Variants in PCDHGB3 observed in about 807,000 individuals in gnomAD.
PCDHGB3 encodes protocadherin gamma-B3.
In PCDHGB3, 40 loss-of-function variants were observed where a neutral mutation model predicts 59.2. The ratio of observed to expected loss-of-function variants is 0.68; its 90% CI spans 0.52 to 0.88. PCDHGB3 has a LOEUF of 0.88. Ranked by LOEUF, PCDHGB3 falls within the 40% of genes least tolerant of loss-of-function variation. The probability of loss-of-function intolerance (pLI) is 0.00; values close to 1 mark genes in which losing one functional copy is unlikely to be tolerated. For missense variants in PCDHGB3, 1,309 were observed against 1,187.9 expected (o/e 1.10, Z -1.50); for synonymous variants, 581 against 503.6 (o/e 1.15, Z -2.06).
At chr5:141,387,323 G>T (rs2090908841) in intron 1 of PCDHGB3, among the ~76,000 whole-genome samples, 1 of 152,154 alleles carries the variant, frequency 6.6e-6, no homozygotes, top group South Asian at 2.1e-4. Context: ...AGTAAGTATG[G>T]AAAATTACTG....
At chr5:141,405,309 A>T (rs1019536231) in intron 1 of PCDHGB3, 2 of 1,614,068 alleles carry the variant, frequency 1.2e-6, no homozygotes, top group Non-Finnish European at 1.7e-6. Context: ...CAGAGCTGTG[A>T]GAAAAATGAG....
At chr5:141,501,837 G>C (rs2099811299) in intron 2 of PCDHGB3, among the ~76,000 whole-genome samples, 1 of 152,018 alleles carries the variant, frequency 6.6e-6, no homozygotes, top group Admixed American at 6.5e-5. Flanking sequence ...CCACCTGTTT[G>C]GCCCTCAACC....
intron 1 of PCDHGB3, chr5:141,400,713 T>C: frequency 1.5e-6 from 1 of 686,914 alleles, no homozygotes; most frequent in South Asian, 2.0e-5. Context: ...GAAGTAGCCT[T>C]ATAGATTTAC....
At chr5:141,468,836 A>G (rs1286137807) in intron 1 of PCDHGB3, among the ~76,000 whole-genome samples, 1 of 152,170 alleles carries the variant, frequency 6.6e-6, no homozygotes, top group East Asian at 1.9e-4. Flanking sequence ...ACTGCACTCC[A>G]GCCTGGGCAA....
At chr5:141,408,818 A>G in intron 1 of PCDHGB3, 1 of 1,613,578 alleles carries the variant, frequency 6.2e-7, no homozygotes, top group South Asian at 1.1e-5. Flanking sequence ...GGAAGAACAG[A>G]GATCTCATAG....
At chr5:141,478,239 C>G in intron 1 of PCDHGB3, 1 of 1,614,132 alleles carries the variant, frequency 6.2e-7, no homozygotes. Flanking sequence ...TTTGTGGTCA[C>G]AGTGTTCGGA....
At position 141,490,044 on chromosome 5, in the gene PCDHGB3, T is replaced by C; in HGVS notation, c.2416-4763T>C. The C allele has an allele frequency of 1.2e-6, 2 of 1,614,192 alleles. No individual in the cohort carries two copies. Among genetic ancestry groups the C allele is most frequent in the Non-Finnish European group, 1.7e-6 (2 of 1,180,024 alleles). The stretch of plus-strand genomic sequence containing the variant: ...TGCTGCTCCGCCTCAATGCCACTGA[T>C]CCAGACGAGGGCACCAACGGCCAAC... On this transcript the variant is annotated intron_variant, in intron 1 of 3. Transcript: ENST00000576222. The surrounding 1 kb of genome is among the most constrained non-coding windows in gnomAD (Gnocchi z 5.4).
At chr5:141,425,802 C>T (rs966768224) in intron 1 of PCDHGB3, among the ~76,000 whole-genome samples, 6 of 152,160 alleles carry the variant, frequency 3.9e-5, no homozygotes, top group African/African-American at 1.4e-4. Context: ...ATGTGCATTG[C>T]TTCTGCTTAG....
rs571977774 is a variant in PCDHGB3 at position 141,375,523 on chromosome 5, C to G, written c.2415+2714C>G. ...TCTCTGTGAATGCACTGGACCCTGA[C>G]GTGGACCAGAACGCCCAAGTCTCCT... On this transcript the variant is annotated intron_variant, in intron 1 of 3. Coordinates refer to ENST00000576222, the MANE Select transcript of PCDHGB3 (RefSeq NM_018924.5). The G allele has an allele frequency of 1.6e-4, 253 of 1,614,032 alleles. 3 individuals are homozygous for G. The Admixed American group carries it at 4.2e-3, about 27-fold the overall frequency.
Position 141,432,581 on chromosome 5 carries a change from C to T in PCDHGB3, c.2415+59772C>T. 6.2e-7 allele frequency: 1 copy of T among 1,613,930 alleles called. No homozygotes were observed. The highest frequency in any genetic ancestry group is 8.5e-7 in the Non-Finnish European group (1 of 1,179,974). On this transcript the variant is annotated intron_variant, in intron 1 of 3. Coordinates refer to ENST00000576222, the MANE Select transcript of PCDHGB3 (RefSeq NM_018924.5). The surrounding 1 kb of genome is among the most constrained non-coding windows in gnomAD (Gnocchi z 6.0). ...CCAGAACGCCTGGCTGTCCTACCGT[C>T]TGCTCAAGGCCAGCGAGCCGGGACT...
chr5:141,491,528 C>T lies in PCDHGB3; in HGVS notation c.2416-3279C>T, dbSNP rs745806026. ...GGCACGCTCAAGTACATGGAGGTGACGCTGCGGCCCACAGACTCGCAGAGC... is the reference window on the plus strand; with the variant it reads ...GGCACGCTCAAGTACATGGAGGTGATGCTGCGGCCCACAGACTCGCAGAGC... On this transcript the variant is annotated intron_variant, in intron 1 of 3. Coordinates refer to ENST00000576222, the MANE Select transcript of PCDHGB3 (RefSeq NM_018924.5). The surrounding 1 kb of genome is among the most constrained non-coding windows in gnomAD (Gnocchi z 6.9). 4 of 1,613,950 alleles carry T rather than the reference C, an allele frequency of 2.5e-6. No individual in the cohort carries two copies. Among genetic ancestry groups the T allele is most frequent in the South Asian group, 1.1e-5 (1 of 91,092 alleles).
intron 1 of PCDHGB3, chr5:141,409,349 A>G: frequency 6.2e-7 from 1 of 1,614,030 alleles, no homozygotes. Context: ...TGGAGAAGTC[A>G]GGTGTAATAT....
At position 141,371,767 on chromosome 5, in the gene PCDHGB3, C is replaced by A; in HGVS notation, c.1373C>A (p.Thr458Asn). Residue 458 changes from threonine to asparagine, a missense_variant, in exon 1 of 4, where the codon ACC (threonine) becomes AAC (asparagine). Physicochemically the swap from Thr to Asn is moderately conservative, Grantham distance 65. Transcript: ENST00000576222. ...CCCGTTTTCCACCAGGCCTCCTACA[C>A]CGTGCATGTAGCTGAGAACAATCCG... ...NVPVFHQASY[T>N]VHVAENNPPG... 1 of 1,614,030 alleles carries A rather than the reference C, an allele frequency of 6.2e-7. No individual in the cohort carries two copies. The highest frequency in any genetic ancestry group is 8.5e-7 in the Non-Finnish European group (1 of 1,179,902).
At position 141,370,537 on chromosome 5, in the gene PCDHGB3, G is replaced by C. The variant is rs1484817452; in HGVS notation, c.143G>C (p.Gly48Ala). ...PEELDRGSLVGNLAKDLGFGV... is the reference protein window; with the variant it reads ...PEELDRGSLVANLAKDLGFGV... ...GAGCTGGACAGGGGCTCGCTGGTAGGGAACCTCGCCAAGGACCTGGGGTTT... is the reference window on the plus strand; with the variant it reads ...GAGCTGGACAGGGGCTCGCTGGTAGCGAACCTCGCCAAGGACCTGGGGTTT... The change falls in exon 1 of 4, where the codon GGG (glycine) becomes GCG (alanine). Residue 48 changes from glycine (G) to alanine (A), a missense_variant. Coordinates refer to ENST00000576222, the MANE Select transcript of PCDHGB3 (RefSeq NM_018924.5). The C allele has an allele frequency of 6.2e-7, 1 of 1,613,924 alleles. No homozygotes were observed.
At chr5:141,403,444 G>A (rs2094408321) in intron 1 of PCDHGB3, 1 of 1,613,906 alleles carries the variant, frequency 6.2e-7, no homozygotes, top group African/African-American at 1.3e-5. Flanking sequence ...ATGTTGGCGT[G>A]AACTCCCTCC....
intron 1 of PCDHGB3, chr5:141,418,303 G>T: frequency 6.2e-7 from 1 of 1,614,032 alleles, no homozygotes; most frequent in Middle Eastern, 1.6e-4. Flanking sequence ...CCGTCAGCCT[G>T]GGGATGGGAA....
At chr5:141,389,288 T>C (rs1434265418) in intron 1 of PCDHGB3, 1 of 1,613,906 alleles carries the variant, frequency 6.2e-7, no homozygotes, top group Admixed American at 1.7e-5. Flanking sequence ...CTGGAGCCTC[T>C]ATTTCACAAG....
intron 2 of PCDHGB3, among the ~76,000 whole-genome samples, chr5:141,496,406 G>C (rs1485949584): frequency 6.6e-6 from 1 of 152,160 alleles, no homozygotes; most frequent in African/African-American, 2.4e-5. Flanking sequence ...CTCAATGGTT[G>C]AGTACTTGCT....
intron 1 of PCDHGB3, among the ~76,000 whole-genome samples, chr5:141,463,025 T>G (rs2099051289): frequency 6.6e-6 from 1 of 152,202 alleles, no homozygotes; most frequent in Non-Finnish European, 1.5e-5. Flanking sequence ...ACTTTTTTGA[T>G]TAATCTGAGT....
Sources: allele counts gnomAD v4.1 joint callset (sites outside exome capture counted in the v4.1 genomes callset), GRCh38; gene constraint gnomAD v4.1.1; non-coding constraint Gnocchi (gnomAD v3.1); transcripts MANE v1.5; gene names NCBI Gene and HGNC (gene_info 2026-07-23, HGNC 2026-07-21).